Variants in SUGP1 observed in about 807,000 individuals in gnomAD.
SUGP1 encodes the protein SURP and G-patch domain containing 1, also known as SURP and G-patch domain-containing protein 1.
A neutral mutation model predicts 76.5 loss-of-function variants in SUGP1; 34 were observed. The ratio of observed to expected loss-of-function variants is 0.44; its 90% CI spans 0.34 to 0.59. The LOEUF (loss-of-function observed/expected upper bound fraction) is 0.59. Among genes scored for constraint, SUGP1 ranks in the 20% least tolerant of loss-of-function variants. The probability of loss-of-function intolerance (pLI) is 0.01; values close to 1 mark genes in which losing one functional copy is unlikely to be tolerated. For synonymous variants in SUGP1, 326 were observed against 326.2 expected, an observed-to-expected ratio of 1.00 and a Z score of 0.01; for missense variants, 752 against 851.7, an observed-to-expected ratio of 0.88 and a Z score of 1.46.
At position 19,276,641 on chromosome 19, in the gene SUGP1, A is replaced by G; in HGVS notation, c.*7T>C. The G allele has an allele frequency of 6.2e-7, 1 of 1,614,142 alleles. No individual in the cohort carries two copies. Among genetic ancestry groups the G allele is most frequent in the Non-Finnish European group, 8.5e-7 (1 of 1,180,020 alleles). ...GGTCATTCAGAAAGTATGTATTTCC[A>G]GAACACTCAGTAGTAAGGCCGTCTG... On this transcript the variant is annotated 3_prime_UTR_variant, in exon 14 of 14. Transcript: ENST00000247001.
chr19:19,307,575 C>G (rs751530840), intron 3 of SUGP1, among the ~76,000 whole-genome samples: 4 of 151,850 alleles, frequency 2.6e-5, no homozygotes, highest in Admixed American at 1.3e-4. Flanking sequence ...GAGAGGACAA[C>G]AGGGGTTGTC....
chr19:19,307,086 C>G (rs1323330604), intron 3 of SUGP1, among the ~76,000 whole-genome samples: 1 of 152,012 alleles, frequency 6.6e-6, no homozygotes, highest in Non-Finnish European at 1.5e-5. Context: ...CTCTATCACC[C>G]AGGCTGAAGT....
intron 8 of SUGP1, among the ~76,000 whole-genome samples, chr19:19,291,076 C>T (rs982931389): frequency 6.6e-6 from 1 of 152,146 alleles, no homozygotes; most frequent in Admixed American, 6.6e-5. Context: ...AAGATCATGC[C>T]ACTGCACTCC....
At chr19:19,303,535 G>A in intron 5 of SUGP1, 87 bp from the exon 6 acceptor site, 2 of 1,404,524 alleles carry the variant, frequency 1.4e-6, no homozygotes, top group Non-Finnish European at 1.0e-6. Flanking sequence ...GCAAAAAAAG[G>A]CAGGCTGGCG....
chr19:19,320,484 T>A lies in SUGP1; in HGVS notation c.13A>T (p.Met5Leu). The part of the protein sequence containing the change: MSLK[M>L]DNRDVAGKAN... The stretch of plus-strand genomic sequence containing the variant: ...TTACCTGCAACATCCCGGTTGTCCA[T>A]CTTGAGACTCATCCAATCCCACAAT... The change falls in exon 1 of 14, where the codon ATG (methionine) becomes TTG (leucine). Residue 5 changes from methionine (M) to leucine (L), a missense_variant. Around this residue, in one of 2 missense-constraint regions of SUGP1, gnomAD observed 620 missense variants for 617.3 expected, o/e 1.00. Transcript: ENST00000247001. 1 of 1,610,352 alleles carries A rather than the reference T, an allele frequency of 6.2e-7. No homozygotes were observed. Among genetic ancestry groups the A allele is most frequent in the Non-Finnish European group, 8.5e-7 (1 of 1,178,676 alleles).
intron 3 of SUGP1, among the ~76,000 whole-genome samples, chr19:19,309,685 C>T (rs578169744): frequency 9.9e-4 from 150 of 152,130 alleles, no homozygotes; most frequent in Non-Finnish European, 1.8e-3. Flanking sequence ...CTGAGGTGGG[C>T]GGATCACAAG....
intron 8 of SUGP1, among the ~76,000 whole-genome samples, chr19:19,289,215 A>C (rs2061163754): frequency 6.6e-6 from 1 of 152,222 alleles, no homozygotes; most frequent in Non-Finnish European, 1.5e-5. Flanking sequence ...GTATCTAAAC[A>C]TAAAAAAGGT....
At chr19:19,294,957 A>G (rs149126780) in intron 8 of SUGP1, among the ~76,000 whole-genome samples, 1 of 152,358 alleles carries the variant, frequency 6.6e-6, no homozygotes, top group Non-Finnish European at 1.5e-5. Flanking sequence ...AATATCCAGA[A>G]TCTATAAAAG....
chr19:19,301,225 A>G (rs2146613907), intron 7 of SUGP1, among the ~76,000 whole-genome samples: 1 of 152,076 alleles, frequency 6.6e-6, no homozygotes, highest in East Asian at 1.9e-4. Context: ...CTCCAGGCCT[A>G]AACAATCCAC....
chr19:19,298,526 C>T (rs1445783880), intron 7 of SUGP1, among the ~76,000 whole-genome samples: 1 of 152,008 alleles, frequency 6.6e-6, no homozygotes, highest in African/African-American at 2.4e-5. Flanking sequence ...GAGCGAGCAG[C>T]AAGAGACCCC....
intron 8 of SUGP1, among the ~76,000 whole-genome samples, chr19:19,283,076 CA>C (rs34368040): frequency 9.2e-4 from 120 of 130,758 alleles, no homozygotes; most frequent in Non-Finnish European, 8.3e-4. Flanking sequence ...GACTCCATCT[CA>C]AAAAAAAAAA....
chr19:19,312,867 G>A (rs1472151776), intron 2 of SUGP1, among the ~76,000 whole-genome samples: 2 of 151,784 alleles, frequency 1.3e-5, no homozygotes, highest in African/African-American at 4.8e-5. Flanking sequence ...GGGGGCACCT[G>A]CAGTCCCAGC....
At chr19:19,307,449 T>C (rs1012515191) in intron 3 of SUGP1, among the ~76,000 whole-genome samples, 2 of 152,090 alleles carry the variant, frequency 1.3e-5, no homozygotes, top group Admixed American at 6.6e-5. Flanking sequence ...TTGGACCATC[T>C]AGACCTAAAA....
intron 7 of SUGP1, among the ~76,000 whole-genome samples, chr19:19,297,796 C>T (rs1029976996): frequency 1.3e-5 from 2 of 152,188 alleles, no homozygotes; most frequent in African/African-American, 4.8e-5. Context: ...AACATCAGAA[C>T]GGACCAAGGA....
At position 19,276,647 on chromosome 19, in the gene SUGP1, C is replaced by T. The variant is rs1427908960; in HGVS notation, c.*1G>A. On this transcript the variant is annotated 3_prime_UTR_variant, in exon 14 of 14. Transcript: ENST00000247001. ...TCAGAAAGTATGTATTTCCAGAACA[C>T]TCAGTAGTAAGGCCGTCTGGGATTG... 1 of 1,614,136 alleles carries T rather than the reference C, an allele frequency of 6.2e-7. No individual in the cohort carries two copies. The highest frequency in any genetic ancestry group is 1.7e-5 in the Admixed American group (1 of 60,024).
intron 9 of SUGP1, among the ~76,000 whole-genome samples, 194 bp from the exon 10 acceptor site, chr19:19,279,584 C>T (rs532090251): frequency 3.9e-5 from 6 of 152,324 alleles, no homozygotes; most frequent in South Asian, 2.1e-4. Flanking sequence ...GTGTGGAGCA[C>T]GGAGGACCTC....
In SUGP1 at chr19:19,316,469, T is replaced by C; in HGVS notation, c.159A>G (p.Lys53=). The C allele has an allele frequency of 3.1e-6, 5 of 1,613,928 alleles. No homozygotes were observed. Among genetic ancestry groups the C allele is most frequent in the Non-Finnish European group, 3.4e-6 (4 of 1,180,002 alleles). Residue 53 remains lysine (K), a synonymous_variant, in exon 2 of 14, where the codon AAA becomes AAG. Transcript: ENST00000247001. ...KREIEAKMEQ[K]AKQNQVASPQ... is the part of the protein sequence containing the mutation. ...GGCTGGCCACCTGATTCTGCTTGGC[T>C]TTCTGTTCCATTTTGGCTTCAATTT... is the stretch of plus-strand genomic sequence containing the variant.
chr19:19,283,552 T>C (rs2061116496), intron 8 of SUGP1, among the ~76,000 whole-genome samples: 1 of 151,624 alleles, frequency 6.6e-6, no homozygotes, highest in African/African-American at 2.4e-5. Flanking sequence ...CCTCCTGGGT[T>C]CAAGAGATTC....
intron 3 of SUGP1, 27 bp from the exon 4 acceptor site, chr19:19,306,103 C>G (rs779231632): frequency 1.8e-5 from 27 of 1,515,752 alleles, no homozygotes; most frequent in Non-Finnish European, 1.9e-5. Flanking sequence ...GATATGCGCA[C>G]TCGGGATCTG....
Sources: gnomAD v4.1 joint callset for allele counts (sites outside exome capture counted in the v4.1 genomes callset) on GRCh38, gnomAD v4.1.1 for gene constraint, gnomAD v4.1.1 regional missense constraint, MANE v1.5 for transcripts, NCBI Gene and HGNC (gene_info 2026-07-23, HGNC 2026-07-21) for gene names.